Variants in RAI14 observed in about 807,000 individuals in gnomAD.
The protein encoded by RAI14 is ankycorbin.
A neutral mutation model predicts 115.4 loss-of-function variants in RAI14; 45 were observed. That is an observed-to-expected ratio of 0.39 (90% confidence interval 0.31 to 0.50). RAI14 has a LOEUF of 0.50. Ranked by LOEUF, RAI14 falls within the 20% of genes least tolerant of loss-of-function variation. The pLI, the probability that RAI14 is intolerant of heterozygous loss-of-function variation, is 0.85. For missense variants in RAI14, 939 were observed against 1,131.2 expected (o/e 0.83, Z 2.44); for synonymous variants, 371 against 415.4 (o/e 0.89, Z 1.30).
At chr5:34,698,947 T>C (rs1739694190) in intron 2 of RAI14, among the ~76,000 whole-genome samples, 1 of 152,038 alleles carries the variant, frequency 6.6e-6, no homozygotes, top group African/African-American at 2.4e-5. Context: ...GGAGCCTAGA[T>C]TCCCTGCTGA....
At chr5:34,766,705 C>T (rs754032727) in intron 3 of RAI14, among the ~76,000 whole-genome samples, 13 of 152,094 alleles carry the variant, frequency 8.5e-5, no homozygotes, top group Non-Finnish European at 1.6e-4. Flanking sequence ...TTTGGGGGAA[C>T]TGTTGGGAAG....
intron 1 of RAI14, among the ~76,000 whole-genome samples, chr5:34,666,799 T>A (rs1183145365): frequency 6.6e-6 from 1 of 150,516 alleles, no homozygotes; most frequent in Admixed American, 6.6e-5. Flanking sequence ...TGTCCTCGAA[T>A]AAGGTCAGGG....
intron 3 of RAI14, among the ~76,000 whole-genome samples, chr5:34,787,413 GGAAT>G (rs1752427055): frequency 6.6e-6 from 1 of 152,198 alleles, no homozygotes; most frequent in Non-Finnish European, 1.5e-5. Flanking sequence ...TATTAAGGAA[GGAAT>G]GAAGTACTAA....
intron 2 of RAI14, among the ~76,000 whole-genome samples, chr5:34,751,093 C>T (rs1256441457): frequency 6.9e-4 from 101 of 145,956 alleles, no homozygotes; most frequent in African/African-American, 2.4e-3. Context: ...TCAGGTGATC[C>T]GCCTGCCTTA....
chr5:34,678,578 G>A (rs865913743), intron 1 of RAI14, among the ~76,000 whole-genome samples: 13 of 152,316 alleles, frequency 8.5e-5, no homozygotes, highest in Middle Eastern at 6.8e-3. Flanking sequence ...ACAGGGCGAA[G>A]GCGTCCATCT....
intron 2 of RAI14, among the ~76,000 whole-genome samples, chr5:34,753,522 G>A (rs1747423004): frequency 1.3e-5 from 2 of 152,108 alleles, no homozygotes; most frequent in Admixed American, 1.3e-4. Flanking sequence ...TCACACGCCT[G>A]TAATCCCAGC....
At chr5:34,741,938 C>T (rs889332507) in intron 2 of RAI14, among the ~76,000 whole-genome samples, 4 of 152,124 alleles carry the variant, frequency 2.6e-5, no homozygotes, top group Non-Finnish European at 4.4e-5. Flanking sequence ...TGTCATTGTG[C>T]CCCAGGAGCT....
chr5:34,734,995 G>A (rs1388713233), intron 2 of RAI14, among the ~76,000 whole-genome samples: 1 of 152,116 alleles, frequency 6.6e-6, no homozygotes, highest in Non-Finnish European at 1.5e-5. Context: ...ATACTACACA[G>A]ACATGAAGGT....
chr5:34,710,843 C>A (rs942829671), intron 2 of RAI14, among the ~76,000 whole-genome samples: 13 of 152,212 alleles, frequency 8.5e-5, no homozygotes, highest in African/African-American at 3.1e-4. Flanking sequence ...ATGTGTTCTT[C>A]CAGCAGAAGA....
At chr5:34,776,889 C>T (rs1453916942) in intron 3 of RAI14, among the ~76,000 whole-genome samples, 1 of 151,954 alleles carries the variant, frequency 6.6e-6, no homozygotes, top group African/African-American at 2.4e-5. Flanking sequence ...AGGAAAAGAG[C>T]TGGGTGCAGT....
At chr5:34,787,476 G>A (rs1561363172) in intron 3 of RAI14, among the ~76,000 whole-genome samples, 2 of 152,092 alleles carry the variant, frequency 1.3e-5, no homozygotes. Context: ...AATGAGAGAA[G>A]CCAGACACAA....
intron 3 of RAI14, among the ~76,000 whole-genome samples, chr5:34,786,793 G>C (rs1752354001): frequency 1.3e-5 from 2 of 152,164 alleles, no homozygotes; most frequent in Admixed American, 6.5e-5. Flanking sequence ...AGTGCTAGAG[G>C]ACTTAAAGAC....
At chr5:34,728,863 A>C (rs1290111948) in intron 2 of RAI14, among the ~76,000 whole-genome samples, 2 of 152,104 alleles carry the variant, frequency 1.3e-5, no homozygotes, top group Non-Finnish European at 2.9e-5. Context: ...TTAAGGCTGC[A>C]GTGAGCCATG....
chr5:34,746,706 C>G (rs1746273725), intron 2 of RAI14, among the ~76,000 whole-genome samples: 3 of 152,116 alleles, frequency 2.0e-5, no homozygotes, highest in Non-Finnish European at 2.9e-5. Flanking sequence ...CCACTGACTC[C>G]TTTGCTTGCC....
Position 34,808,567 on chromosome 5 carries a change from T to C in RAI14, c.380-17T>C, listed in dbSNP as rs111833454. 1,246 of 1,612,644 alleles carry C rather than the reference T, an allele frequency of 7.7e-4. 12 individuals are homozygous for C. The African/African-American group carries it at 0.015, about 20-fold the overall frequency. ...ACTGTGTGATTGGCTGTGGTATTTATATTTTCCTTCCCCCAGCGGCTCAGG... is the reference window on the plus strand; with the variant it reads ...ACTGTGTGATTGGCTGTGGTATTTACATTTTCCTTCCCCCAGCGGCTCAGG... On this transcript the variant is annotated splice_polypyrimidine_tract_variant and intron_variant, in intron 6 of 17. Transcript: ENST00000265109.
chr5:34,667,617 A>G (rs1207118896), intron 1 of RAI14, among the ~76,000 whole-genome samples: 1 of 152,180 alleles, frequency 6.6e-6, no homozygotes, highest in Non-Finnish European at 1.5e-5. Flanking sequence ...ATAGCCAATA[A>G]CGGTATATTT....
intron 4 of RAI14, among the ~76,000 whole-genome samples, chr5:34,797,096 C>T (rs1030943618): frequency 1.3e-5 from 2 of 152,154 alleles, no homozygotes; most frequent in African/African-American, 2.4e-5. Context: ...CTGCTGGCCA[C>T]CCCAAAAGAC....
Position 34,823,025 on chromosome 5 carries a change from G to A in RAI14, c.1183G>A (p.Gly395Ser). Residue 395 changes from glycine (G) to serine (S), a missense_variant, in exon 15 of 18, where the codon GGC becomes AGC. By Grantham distance (56) the Gly-to-Ser change is moderately conservative. Transcript: ENST00000265109. The surrounding 1 kb of genome is among the most constrained non-coding windows in gnomAD (Gnocchi z 4.5). ...ATACCATTCCACCCAAACTGACTTGGGCCCATCCCTGGGAAAACCTGGTGA... is the reference window on the plus strand; with the variant it reads ...ATACCATTCCACCCAAACTGACTTGAGCCCATCCCTGGGAAAACCTGGTGA... ...DSYHSTQTDLGPSLGKPGETS... is the reference protein window; with the variant it reads ...DSYHSTQTDLSPSLGKPGETS... 1 of 1,613,828 alleles carries A rather than the reference G, an allele frequency of 6.2e-7. No homozygotes were observed. The highest frequency in any genetic ancestry group is 8.5e-7 in the Non-Finnish European group (1 of 1,179,948).
At chr5:34,658,033 G>A (rs577297418) in intron 1 of RAI14, among the ~76,000 whole-genome samples, 1 of 152,340 alleles carries the variant, frequency 6.6e-6, no homozygotes, top group African/African-American at 2.4e-5. Context: ...TTTAGCCAGT[G>A]CTTGTCTAAC....
Sources: allele counts gnomAD v4.1 joint callset (sites outside exome capture counted in the v4.1 genomes callset), GRCh38; gene constraint gnomAD v4.1.1; non-coding constraint Gnocchi (gnomAD v3.1); transcripts MANE v1.5; gene names NCBI Gene and HGNC (gene_info 2026-07-23, HGNC 2026-07-21).